PRR16: variants seen among roughly 807,000 people sequenced by gnomAD.
PRR16 encodes the protein protein Largen.
Under a neutral mutation model 18.2 loss-of-function variants are expected in PRR16, and 6 were observed. The ratio of observed to expected loss-of-function variants is 0.33; its 90% CI spans 0.18 to 0.65. PRR16 has a LOEUF of 0.65. PRR16 is among the 30% of genes least tolerant of loss of function. PRR16 has a pLI of 0.74. For synonymous variants in PRR16, 151 were observed against 147.8 expected (o/e 1.02, Z -0.16); for missense variants, 412 against 376.6 (o/e 1.09, Z -0.78).
At chr5:120,762,410 GATAAT>G in the PRR16 span, among the ~76,000 whole-genome samples, 2 of 152,098 alleles carry the variant, frequency 1.3e-5, no homozygotes, top group Non-Finnish European at 2.9e-5. Context: ...AGTAGGGTAA[GATAAT>G]ATATTATTGT....
chr5:120,655,951 A>G (rs1435581387), intron 1 of PRR16, among the ~76,000 whole-genome samples: 1 of 151,838 alleles, frequency 6.6e-6, no homozygotes, highest in Non-Finnish European at 1.5e-5. Flanking sequence ...ATCACTGTCC[A>G]GGAACCCCAG....
intron 1 of PRR16, among the ~76,000 whole-genome samples, chr5:120,563,764 G>GTCTA (rs1752649465): frequency 6.6e-6 from 1 of 152,086 alleles, no homozygotes; most frequent in Non-Finnish European, 1.5e-5. Context: ...ATATTTATCT[G>GTCTA]TCTATCTGGT....
chr5:120,697,207 T>C, the PRR16 span, among the ~76,000 whole-genome samples: 4 of 152,204 alleles, frequency 2.6e-5, no homozygotes, highest in Non-Finnish European at 4.4e-5. Flanking sequence ...TGTATAAATG[T>C]TCCTCTGAGG....
intron 1 of PRR16, among the ~76,000 whole-genome samples, chr5:120,535,589 C>G (rs146273751): frequency 1.3e-5 from 2 of 152,164 alleles, no homozygotes; most frequent in East Asian, 1.9e-4. Context: ...CGCTTGAGCT[C>G]GAGAGTTCAA....
intron 1 of PRR16, among the ~76,000 whole-genome samples, chr5:120,597,753 C>T (rs1172283355): frequency 6.6e-6 from 1 of 151,830 alleles, no homozygotes; most frequent in Non-Finnish European, 1.5e-5. Context: ...ATCTGTAAGG[C>T]TCAGTTATCT....
At chr5:120,642,309 A>G (rs551532953) in intron 1 of PRR16, among the ~76,000 whole-genome samples, 19 of 152,084 alleles carry the variant, frequency 1.2e-4, no homozygotes, top group African/African-American at 4.6e-4. Flanking sequence ...TATAGTGGGC[A>G]GAAACCTCAT....
intron 1 of PRR16, among the ~76,000 whole-genome samples, chr5:120,487,456 A>T (rs368830213): frequency 6.6e-6 from 1 of 151,982 alleles, no homozygotes; most frequent in South Asian, 2.1e-4. Flanking sequence ...TTTGTCTGTT[A>T]TTGGTGTATA....
At chr5:120,760,394 C>G in the PRR16 span, among the ~76,000 whole-genome samples, 15 of 151,956 alleles carry the variant, frequency 9.9e-5, no homozygotes, top group Non-Finnish European at 2.2e-4. Flanking sequence ...CTGACCAAAC[C>G]TGTCTCATCT....
At chr5:120,702,692 C>G in the PRR16 span, among the ~76,000 whole-genome samples, 6 of 152,174 alleles carry the variant, frequency 3.9e-5, no homozygotes, top group Admixed American at 3.3e-4. Context: ...TCTTCTTTGT[C>G]TCTCCCAGAA....
At chr5:120,536,007 G>C (rs1473682120) in intron 1 of PRR16, among the ~76,000 whole-genome samples, 1 of 152,268 alleles carries the variant, frequency 6.6e-6, no homozygotes, top group East Asian at 1.9e-4. Context: ...GTAGTCTATA[G>C]ACCTTTGCCG....
At chr5:120,491,463 CCT>C (rs1168333464) in intron 1 of PRR16, among the ~76,000 whole-genome samples, 15 of 105,138 alleles carry the variant, frequency 1.4e-4, no homozygotes, top group African/African-American at 6.1e-4. Context: ...CCTTTCCTTT[CCT>C]TTCCTTTCCT....
the PRR16 span, among the ~76,000 whole-genome samples, chr5:120,756,915 T>C: frequency 5.3e-5 from 8 of 152,238 alleles, no homozygotes; most frequent in Middle Eastern, 3.4e-3. Context: ...TGGGGAAACC[T>C]AAAGTTTATA....
chr5:120,774,313 C>T, the PRR16 span, among the ~76,000 whole-genome samples: 1 of 152,120 alleles, frequency 6.6e-6, no homozygotes, highest in African/African-American at 2.4e-5. Flanking sequence ...AACAGGAAAG[C>T]TCAACTATGG....
At chr5:120,555,431 CCA>C (rs1470489228) in intron 1 of PRR16, among the ~76,000 whole-genome samples, 1 of 151,810 alleles carries the variant, frequency 6.6e-6, no homozygotes, top group African/African-American at 2.4e-5. Flanking sequence ...AAGGTGCTGG[CCA>C]GTTTGGTTCT....
chr5:120,754,426 A>AATATATACTATATACT, the PRR16 span, among the ~76,000 whole-genome samples: 1 of 89,186 alleles, frequency 1.1e-5, no homozygotes, highest in African/African-American at 4.4e-5. Context: ...TATATTATAT[A>AATATATACTATATACT]ATATATAGTA....
the PRR16 span, among the ~76,000 whole-genome samples, chr5:120,704,296 G>T: frequency 1.3e-5 from 2 of 152,158 alleles, no homozygotes; most frequent in African/African-American, 4.8e-5. Context: ...ATGGAGGGGA[G>T]GCCTGGTTTC....
intron 1 of PRR16, among the ~76,000 whole-genome samples, chr5:120,574,625 A>G (rs566163452): frequency 1.3e-5 from 2 of 149,618 alleles, no homozygotes; most frequent in South Asian, 2.1e-4. Flanking sequence ...ACAACGACGA[A>G]AAAAGGATAT....
At chr5:120,530,329 T>TTC (rs1302149647) in intron 1 of PRR16, among the ~76,000 whole-genome samples, 1 of 146,146 alleles carries the variant, frequency 6.8e-6, no homozygotes, top group Non-Finnish European at 1.5e-5. Context: ...CTACACACAC[T>TTC]GCATGTAAAA....
At chr5:120,695,860 G>A in the PRR16 span, among the ~76,000 whole-genome samples, 1 of 151,782 alleles carries the variant, frequency 6.6e-6, no homozygotes, top group Non-Finnish European at 1.5e-5. Flanking sequence ...GCCTTGCTCT[G>A]TAGATTTTCA....
Sources: gnomAD v4.1 joint callset for allele counts (sites outside exome capture counted in the v4.1 genomes callset) on GRCh38, gnomAD v4.1.1 for gene constraint, MANE v1.5 for transcripts, NCBI Gene and HGNC (gene_info 2026-07-23, HGNC 2026-07-21) for gene names.